The following CERS6 variants were observed in gnomAD, a reference collection of about 807,000 sequenced individuals.
The protein encoded by CERS6 is LAG1 homolog, ceramide synthase 6.
A neutral mutation model predicts 56.8 loss-of-function variants in CERS6; 26 were observed. That is an observed-to-expected ratio of 0.46 (90% CI 0.34 to 0.63). The LOEUF (loss-of-function observed/expected upper bound fraction) is 0.63. Among genes scored for constraint, CERS6 ranks in the 30% least tolerant of loss-of-function variants. The pLI, the probability that CERS6 is intolerant of heterozygous loss-of-function variation, is 0.01. For missense variants in CERS6, 415 were observed against 467.5 expected (o/e 0.89, Z 1.04); for synonymous variants, 164 against 173.3 (o/e 0.95, Z 0.42).
chr2:168,609,201 C>A (rs1684126673), intron 3 of CERS6, among the ~76,000 whole-genome samples: 1 of 152,186 alleles, frequency 6.6e-6, no homozygotes. Context: ...TCCCCACCTA[C>A]CCACTGCAGT....
At chr2:168,504,373 C>CAA (rs5836184) in intron 1 of CERS6, among the ~76,000 whole-genome samples, 44 of 140,120 alleles carry the variant, frequency 3.1e-4, no homozygotes, top group Admixed American at 9.9e-4. Context: ...CCCATTTAAA[C>CAA]AAAAAAAAAA....
At chr2:168,678,549 CT>C (rs566624375) in intron 4 of CERS6, among the ~76,000 whole-genome samples, 201 of 152,240 alleles carry the variant, frequency 1.3e-3, no homozygotes, top group African/African-American at 4.5e-3. Context: ...TCTTTCCCCC[CT>C]GAGTAGTTGT....
chr2:168,676,813 T>C (rs1032908075), intron 4 of CERS6, among the ~76,000 whole-genome samples: 2 of 152,054 alleles, frequency 1.3e-5, no homozygotes, highest in African/African-American at 2.4e-5. Context: ...TACTCGAGGG[T>C]AGAGGTTTAA....
chr2:168,465,816 A>T (rs972700335), intron 1 of CERS6, among the ~76,000 whole-genome samples: 1 of 152,164 alleles, frequency 6.6e-6, no homozygotes, highest in African/African-American at 2.4e-5. Context: ...ACTTAATGAC[A>T]TAGAACAGTG....
chr2:168,513,420 C>G (rs1447620518), intron 1 of CERS6, among the ~76,000 whole-genome samples: 1 of 152,148 alleles, frequency 6.6e-6, no homozygotes, highest in African/African-American at 2.4e-5. Context: ...ATCTTAGGCT[C>G]CTCTTGGCTG....
At chr2:168,487,651 T>C (rs182084276) in intron 1 of CERS6, among the ~76,000 whole-genome samples, 60 of 152,346 alleles carry the variant, frequency 3.9e-4, no homozygotes, top group African/African-American at 1.3e-3. Flanking sequence ...AATATATTTT[T>C]TTCTTAAGCT....
intron 1 of CERS6, among the ~76,000 whole-genome samples, chr2:168,504,130 GGTGGGC>G (rs1694634115): frequency 1.3e-5 from 2 of 152,170 alleles, no homozygotes; most frequent in Non-Finnish European, 2.9e-5. Flanking sequence ...AAATCATCAG[GGTGGGC>G]GTGGTGGCTC....
intron 4 of CERS6, among the ~76,000 whole-genome samples, chr2:168,664,850 A>C (rs1316080819): frequency 1.3e-5 from 2 of 152,122 alleles, no homozygotes; most frequent in Non-Finnish European, 2.9e-5. Flanking sequence ...TAACCGTCTG[A>C]GAGTGCAGCC....
chr2:168,600,273 T>C (rs930193370), intron 3 of CERS6, among the ~76,000 whole-genome samples: 5 of 151,664 alleles, frequency 3.3e-5, no homozygotes, highest in Admixed American at 1.3e-4. Flanking sequence ...GGTGTGATCT[T>C]GGCTCACTGC....
At chr2:168,686,137 A>C (rs539365687) in intron 4 of CERS6, among the ~76,000 whole-genome samples, 4 of 148,248 alleles carry the variant, frequency 2.7e-5, no homozygotes, top group African/African-American at 1.0e-4. Context: ...TGGAAGTTGC[A>C]GATAAGGTCT....
chr2:168,460,737 G>T (rs1261591016), intron 1 of CERS6, among the ~76,000 whole-genome samples: 2 of 152,220 alleles, frequency 1.3e-5, no homozygotes, highest in Non-Finnish European at 2.9e-5. Flanking sequence ...GGGTAAGAAT[G>T]AGAAGCTAAT....
intron 1 of CERS6, among the ~76,000 whole-genome samples, chr2:168,465,445 T>C (rs1273912086): frequency 6.6e-6 from 1 of 152,128 alleles, no homozygotes; most frequent in African/African-American, 2.4e-5. Context: ...CCTAATCACC[T>C]CCCACAGGCC....
intron 1 of CERS6, among the ~76,000 whole-genome samples, chr2:168,534,551 G>A (rs1279521275): frequency 1.3e-5 from 2 of 151,934 alleles, no homozygotes; most frequent in East Asian, 1.9e-4. Context: ...CTCCCGCGTC[G>A]GGAGATGTCA....
At chr2:168,758,839 G>T (rs1258877937) in intron 8 of CERS6, among the ~76,000 whole-genome samples, 1 of 152,162 alleles carries the variant, frequency 6.6e-6, no homozygotes, top group Non-Finnish European at 1.5e-5. Flanking sequence ...TGAGACTGCA[G>T]TCCTCAGGTT....
chr2:168,512,378 A>G (rs1694803960), intron 1 of CERS6, among the ~76,000 whole-genome samples: 1 of 152,162 alleles, frequency 6.6e-6, no homozygotes, highest in Non-Finnish European at 1.5e-5. Context: ...AAAAAGATAT[A>G]GGACAGTCTC....
At chr2:168,761,875 GTATT>G (rs1684591999) in intron 8 of CERS6, among the ~76,000 whole-genome samples, 1 of 152,008 alleles carries the variant, frequency 6.6e-6, no homozygotes, top group South Asian at 2.1e-4. Flanking sequence ...CAAATTACTT[GTATT>G]TATTAATAAA....
intron 3 of CERS6, among the ~76,000 whole-genome samples, chr2:168,588,709 C>A (rs1378523179): frequency 1.3e-5 from 2 of 152,124 alleles, no homozygotes; most frequent in Non-Finnish European, 2.9e-5. Flanking sequence ...TCTTATGAAC[C>A]TGGATGTACA....
At chr2:168,615,864 A>G (rs1684304913) in intron 3 of CERS6, among the ~76,000 whole-genome samples, 1 of 152,214 alleles carries the variant, frequency 6.6e-6, no homozygotes, top group Admixed American at 6.5e-5. Flanking sequence ...CAAGACACAC[A>G]AAGAACATCT....
intron 2 of CERS6, among the ~76,000 whole-genome samples, chr2:168,555,987 A>G (rs532149024): frequency 7.0e-4 from 107 of 152,212 alleles, no homozygotes; most frequent in Non-Finnish European, 8.5e-4. Context: ...TATTGTGAAT[A>G]TTTAAGATGT....
Sources: gnomAD v4.1 joint callset for allele counts (sites outside exome capture counted in the v4.1 genomes callset) on GRCh38, gnomAD v4.1.1 for gene constraint, MANE v1.5 for transcripts, NCBI Gene and HGNC (gene_info 2026-07-23, HGNC 2026-07-21) for gene names.